Variants in PRKAR1A observed in about 807,000 individuals in gnomAD.
PRKAR1A encodes the protein cAMP-dependent protein kinase type I-alpha regulatory subunit.
Under a neutral mutation model 52.0 loss-of-function variants are expected in PRKAR1A, and 3 were observed. The observed-to-expected ratio is 0.06, with a 90% CI of 0.03 to 0.15. PRKAR1A has a LOEUF of 0.15. PRKAR1A is among the 10% of genes least tolerant of loss of function. The pLI, the probability that PRKAR1A is intolerant of heterozygous loss-of-function variation, is 1.00. For missense variants in PRKAR1A, 240 were observed against 477.4 expected (o/e 0.50, Z 4.63); for synonymous variants, 188 against 168.4 (o/e 1.12, Z -0.90).
At chr17:68,462,349 A>G in the PRKAR1A span, among the ~76,000 whole-genome samples, 16 of 152,226 alleles carry the variant, frequency 1.1e-4, 1 homozygote, top group Admixed American at 4.6e-4. Context: ...TACCCATGCC[A>G]GTGCAGAGAG....
At chr17:68,536,220 T>C (rs1431776622), downstream of PRKAR1A, 2 of 454,054 alleles carry the variant, frequency 4.4e-6, no homozygotes, top group Non-Finnish European at 8.8e-6. Flanking sequence ...GTACTCTCTT[T>C]AGTGACAGCT....
the PRKAR1A span, among the ~76,000 whole-genome samples, chr17:68,433,956 T>C: frequency 6.6e-6 from 1 of 151,982 alleles, no homozygotes; most frequent in Non-Finnish European, 1.5e-5. Flanking sequence ...CTAATTTTTG[T>C]ATTTTTAGTA....
the PRKAR1A span, among the ~76,000 whole-genome samples, chr17:68,478,682 C>T: frequency 6.6e-6 from 1 of 150,766 alleles, no homozygotes; most frequent in Non-Finnish European, 1.5e-5. Flanking sequence ...TAATACTAGG[C>T]CTAGGTGTGT....
chr17:68,445,934 G>T, the PRKAR1A span, among the ~76,000 whole-genome samples: 1 of 152,198 alleles, frequency 6.6e-6, no homozygotes, highest in Non-Finnish European at 1.5e-5. Flanking sequence ...GGTTTGGGAA[G>T]TTTTTAGACG....
chr17:68,427,167 C>G, the PRKAR1A span: 2 of 1,614,150 alleles, frequency 1.2e-6, no homozygotes, highest in Non-Finnish European at 1.7e-6. Flanking sequence ...TGCACTTGGT[C>G]TGGCTACGGT....
At chr17:68,426,696 C>T in the PRKAR1A span, among the ~76,000 whole-genome samples, 1 of 152,110 alleles carries the variant, frequency 6.6e-6, no homozygotes, top group African/African-American at 2.4e-5. Flanking sequence ...ACATGCCCAG[C>T]TAATTTTTCT....
chr17:68,470,539 C>G, the PRKAR1A span, among the ~76,000 whole-genome samples: 13 of 152,220 alleles, frequency 8.5e-5, no homozygotes, highest in Non-Finnish European at 1.6e-4. Flanking sequence ...TTAAACACTA[C>G]TTTTCTCTTC....
chr17:68,534,799 T>C (rs2086058704), downstream of PRKAR1A, among the ~76,000 whole-genome samples: 1 of 152,184 alleles, frequency 6.6e-6, no homozygotes, highest in Non-Finnish European at 1.5e-5. Flanking sequence ...GTCTTAAACA[T>C]GCGTTAACAT....
the PRKAR1A span, chr17:68,426,254 G>GGGGGGGGGGGGGGGC: frequency 2.4e-6 from 2 of 816,924 alleles, no homozygotes; most frequent in Non-Finnish European, 3.9e-6. Context: ...GGGAGCGGGG[G>GGGGGGGGGGGGGGGC]CTCAAATAAA....
the PRKAR1A span, among the ~76,000 whole-genome samples, chr17:68,490,393 A>G: frequency 1.3e-5 from 2 of 152,184 alleles, no homozygotes; most frequent in African/African-American, 4.8e-5. Flanking sequence ...GAGCTTGTAA[A>G]GCAGCCAGTT....
the PRKAR1A span, among the ~76,000 whole-genome samples, chr17:68,500,880 T>TAAGGACACTA: frequency 6.6e-6 from 1 of 152,150 alleles, no homozygotes; most frequent in Non-Finnish European, 1.5e-5. Context: ...AGTGCTCAGG[T>TAAGGACACTA]AAGGACACTA....
rs571775426 is a variant in PRKAR1A at position 68,526,024 on chromosome 17, T to G, written c.708+112T>G. 1.5e-5 allele frequency: 20 copies of G among 1,334,444 alleles called. No homozygotes were observed. In the East Asian group the frequency reaches 4.2e-4, roughly 28 times the overall value. The allele number at this position is 1,334,444 out of a possible 1,614,324, so 82.7% of individuals were successfully genotyped here. A position where few individuals can be genotyped will look rare whatever the true frequency, so the allele number is the denominator to read the frequency against. On this transcript the variant is annotated intron_variant, in intron 7 of 10. Coordinates refer to ENST00000589228, the MANE Select transcript of PRKAR1A (RefSeq NM_002734.5). Reference sequence around the variant, plus strand: ...ATTTCTTTTAATGAGCAAATATTTCTTTCTTTTAATAAGCGAATATTTTTC... The same window carrying G: ...ATTTCTTTTAATGAGCAAATATTTCGTTCTTTTAATAAGCGAATATTTTTC...
intron 11 of PRKAR1A, among the ~76,000 whole-genome samples, chr17:68,550,539 C>G (rs1335794368): frequency 6.6e-6 from 1 of 151,990 alleles, no homozygotes; most frequent in East Asian, 1.9e-4. Flanking sequence ...CACCACCATA[C>G]CTGGATAATT....
At chr17:68,466,210 G>C in the PRKAR1A span, among the ~76,000 whole-genome samples, 1 of 152,054 alleles carries the variant, frequency 6.6e-6, no homozygotes, top group Non-Finnish European at 1.5e-5. Context: ...GGGAGTCCCC[G>C]GAAATGCCTC....
At chr17:68,462,073 A>G in the PRKAR1A span, among the ~76,000 whole-genome samples, 2 of 152,252 alleles carry the variant, frequency 1.3e-5, no homozygotes, top group African/African-American at 2.4e-5. Context: ...GACAGGGAGC[A>G]AAAACTAACA....
chr17:68,451,947 T>C, the PRKAR1A span, among the ~76,000 whole-genome samples: 1 of 152,140 alleles, frequency 6.6e-6, no homozygotes, highest in Non-Finnish European at 1.5e-5. Context: ...GGGACAGACA[T>C]AGAGCAAAAA....
the PRKAR1A span, among the ~76,000 whole-genome samples, chr17:68,483,924 T>C: frequency 6.6e-6 from 1 of 152,196 alleles, no homozygotes; most frequent in Non-Finnish European, 1.5e-5. Context: ...TGTTTGTTTC[T>C]AGACTCTGTT....
chr17:68,523,911 A>G (rs1034881621), intron 4 of PRKAR1A, 95 bp downstream of exon 4: 21 of 1,572,738 alleles, frequency 1.3e-5, no homozygotes, highest in Admixed American at 3.3e-5. Flanking sequence ...GCTCTTAGTA[A>G]TTGTTCACCA....
chr17:68,471,929 T>C, the PRKAR1A span, among the ~76,000 whole-genome samples: 1 of 151,956 alleles, frequency 6.6e-6, no homozygotes, highest in Non-Finnish European at 1.5e-5. Context: ...GCCTCCCGAG[T>C]AGCTGGGATT....
Sources: allele counts gnomAD v4.1 joint callset (sites outside exome capture counted in the v4.1 genomes callset), GRCh38; gene constraint gnomAD v4.1.1; transcripts MANE v1.5; gene names NCBI Gene and HGNC (gene_info 2026-07-23, HGNC 2026-07-21).